Variants in RS1 observed in about 807,000 individuals in gnomAD.
The protein encoded by RS1 is retinoschisin 1, also known as retinoschisin.
Under a neutral mutation model 20.8 loss-of-function variants are expected in RS1, and 2 were observed. The ratio of observed to expected loss-of-function variants is 0.10; its 90% confidence interval spans 0.04 to 0.30. The LOEUF (loss-of-function observed/expected upper bound fraction) is 0.30. Among genes scored for constraint, RS1 ranks in the 10% least tolerant of loss-of-function variants. The pLI, the probability that RS1 is intolerant of heterozygous loss-of-function variation, is 1.00. For synonymous variants in RS1, 70 were observed against 75.8 expected (o/e 0.92, Z 0.40); for missense variants, 151 against 189.8 (o/e 0.80, Z 1.20).
rs267608667 is a variant in RS1, at chrX:18,653,463, G to T, written c.184+3190C>A. ...CTTTCTTCGTGAGACACGTTATGAGGGAAGCCCTGATTCACAGGGCCCAGG... is the reference window on the plus strand; with the variant it reads ...CTTTCTTCGTGAGACACGTTATGAGTGAAGCCCTGATTCACAGGGCCCAGG... On this transcript the variant is annotated intron_variant, in intron 3 of 5. Coordinates refer to ENST00000379984, the MANE Select transcript of RS1 (RefSeq NM_000330.4). 5.8e-6 allele frequency: 7 copies of T among 1,211,409 alleles called. No individual in the cohort carries two copies. The South Asian group carries it at 1.2e-4, about 21-fold the overall frequency.
chrX:18,660,853 A>T (rs1302350436), intron 1 of RS1, among the ~76,000 whole-genome samples: 1 of 112,006 alleles, frequency 8.9e-6, no homozygotes, highest in African/African-American at 3.2e-5. Flanking sequence ...AAGACAGGCC[A>T]CTGGACCATG....
At position 18,667,856 on chromosome X, in the gene RS1, C is replaced by A. The variant is rs761705821; in HGVS notation, c.52+4161G>T. Among the ~76,000 whole-genome samples, 6 of 111,755 alleles carry A rather than the reference C, an allele frequency of 5.4e-5. No individual in the cohort carries two copies. In the East Asian group the frequency reaches 1.7e-3, roughly 31 times the overall value. ...GTAGACAGCCTGGGGTTCTGAGGTA[C>A]CATATCCTTATGGAAGTGAGCAGAG... On this transcript the variant is annotated intron_variant, in intron 1 of 5. Coordinates refer to ENST00000379984, the MANE Select transcript of RS1 (RefSeq NM_000330.4).
At chrX:18,657,285 A>T (rs1338029800) in intron 2 of RS1, among the ~76,000 whole-genome samples, 1 of 84,692 alleles carries the variant, frequency 1.2e-5, no homozygotes. Context: ...CAGTGGTGTG[A>T]TCTCAGCTCA....
rs1927553404 is a variant in RS1, at chrX:18,640,967, A to G, written c.*1037T>C. ...CAGAGAGCTTTTCAGGAGCAGGCGC[A>G]GTTTGCGTATTGCAAGGCAGAGGGT... On this transcript the variant is annotated 3_prime_UTR_variant, in exon 6 of 6. Coordinates refer to ENST00000379984, the MANE Select transcript of RS1 (RefSeq NM_000330.4). The G allele has an allele frequency of 8.9e-6, 1 of 112,858 alleles. No homozygotes were observed. The highest frequency in any genetic ancestry group is 1.9e-5 in the Non-Finnish European group (1 of 53,264). 9.3% of individuals were successfully genotyped at this position (112,858 alleles called of 1,213,427 possible).
intron 4 of RS1, chrX:18,646,148 G>C (rs936457878): frequency 4.0e-5 from 48 of 1,204,478 alleles, no homozygotes; most frequent in Non-Finnish European, 4.9e-5. Context: ...ACTACTGAAT[G>C]AAACTTTTTT....
chrX:18,650,314 C>T lies in RS1; in HGVS notation c.185-2982G>A. 4 of 799,415 alleles carry T rather than the reference C, an allele frequency of 5.0e-6. 1 individual carries two copies. In the South Asian group the frequency reaches 8.2e-5, roughly 16 times the overall value. 65.9% of individuals were successfully genotyped at this position (799,415 alleles called of 1,213,427 possible). A position where few individuals can be genotyped will look rare whatever the true frequency, so the allele number is the denominator to read the frequency against. On this transcript the variant is annotated intron_variant, in intron 3 of 5. Coordinates refer to ENST00000379984, the MANE Select transcript of RS1 (RefSeq NM_000330.4). ...TACTTACTCCCCAGGGAAGGTGACGCTCTCACTGTCACCTTGGCTTCAGCT... is the reference window on the plus strand; with the variant it reads ...TACTTACTCCCCAGGGAAGGTGACGTTCTCACTGTCACCTTGGCTTCAGCT...
intron 1 of RS1, among the ~76,000 whole-genome samples, chrX:18,661,406 G>A (rs759226412): frequency 1.9e-4 from 21 of 111,676 alleles, no homozygotes; most frequent in Admixed American, 1.8e-3. Context: ...AATGTTTACA[G>A]CTGAGGCCCC....
At chrX:18,647,593 A>G in intron 3 of RS1, 1 of 378,876 alleles carries the variant, frequency 2.6e-6, no homozygotes, top group South Asian at 4.1e-5. Flanking sequence ...CTCTATGGCA[A>G]CTTCACAAGG....
chrX:18,664,613 A>G (rs1239778071), intron 1 of RS1, among the ~76,000 whole-genome samples: 1 of 111,724 alleles, frequency 9.0e-6, no homozygotes, highest in Non-Finnish European at 1.9e-5. Flanking sequence ...TGGGCAACAG[A>G]GTAAGACTCC....
chrX:18,669,660 C>G (rs1176700127), intron 1 of RS1, among the ~76,000 whole-genome samples: 1 of 111,103 alleles, frequency 9.0e-6, no homozygotes, highest in Non-Finnish European at 1.9e-5. Context: ...GGACAAACAG[C>G]CTTTGTCTTC....
At chrX:18,648,167 T>C (rs938733802) in intron 3 of RS1, among the ~76,000 whole-genome samples, 1 of 111,144 alleles carries the variant, frequency 9.0e-6, no homozygotes, top group Non-Finnish European at 1.9e-5. Context: ...GTGCCTGCAG[T>C]GGCAGGCACA....
chrX:18,646,125 A>G (rs769802122), intron 4 of RS1: 18 of 1,211,215 alleles, frequency 1.5e-5, no homozygotes, highest in South Asian at 1.8e-5. Context: ...TCAAGCTGCC[A>G]TAACGACCCT....
In RS1 at chrX:18,640,427, T is replaced by TCCCCCCCCCCCCCCCCCCCCC. The variant is rs1300468144; in HGVS notation, c.*1576_*1577insGGGGGGGGGGGGGGGGGGGGG. On this transcript the variant is annotated 3_prime_UTR_variant, in exon 6 of 6. Coordinates refer to ENST00000379984, the MANE Select transcript of RS1 (RefSeq NM_000330.4). ...CCTGTGTCCTAAGGCCAGGGATAAG[T>TCCCCCCCCCCCCCCCCCCCCC]CCCCCCACCCCCCCCCCCCACCCCC... 3.2e-5 allele frequency: 1 copy of TCCCCCCCCCCCCCCCCCCCCC among 31,594 alleles called. No individual in the cohort carries two copies. The highest frequency in any genetic ancestry group is 5.4e-5 in the Non-Finnish European group (1 of 18,445). The allele number at this position is 31,594 out of a possible 1,213,427, so 2.6% of individuals were successfully genotyped here.
intron 3 of RS1, among the ~76,000 whole-genome samples, chrX:18,652,596 G>A (rs1287703809): frequency 9.0e-6 from 1 of 111,284 alleles, no homozygotes; most frequent in Non-Finnish European, 1.9e-5. Flanking sequence ...TTGAACCCAG[G>A]AGGCAGAGCT....
chrX:18,652,668 C>CAA (rs112755044), intron 3 of RS1, among the ~76,000 whole-genome samples: 13 of 104,149 alleles, frequency 1.2e-4, no homozygotes, highest in Middle Eastern at 4.8e-3. Flanking sequence ...GACTACATTT[C>CAA]AAAAAAAAAA....
At chrX:18,648,087 A>T (rs1927863414) in intron 3 of RS1, among the ~76,000 whole-genome samples, 1 of 110,936 alleles carries the variant, frequency 9.0e-6, no homozygotes, top group Non-Finnish European at 1.9e-5. Flanking sequence ...CTGTAATCCC[A>T]GCTACTCGGG....
At chrX:18,667,546 C>CAAAA (rs748540329) in intron 1 of RS1, among the ~76,000 whole-genome samples, 1 of 48,783 alleles carries the variant, frequency 2.0e-5, no homozygotes, top group Non-Finnish European at 3.9e-5. Flanking sequence ...GACTCTGTCT[C>CAAAA]AAAAAAAAAA....
In RS1 at chrX:18,640,639, G is replaced by A. The variant is rs988539778; in HGVS notation, c.*1365C>T. The stretch of plus-strand genomic sequence containing the variant: ...CTGCCTGTTCACAGAAAAGGTGAAT[G>A]TGTTGTCCAGCACTGTATTAGCGCG... On this transcript the variant is annotated 3_prime_UTR_variant, in exon 6 of 6. Coordinates refer to ENST00000379984, the MANE Select transcript of RS1 (RefSeq NM_000330.4). The A allele has an allele frequency of 1.8e-5, 2 of 112,254 alleles. No homozygotes were observed. The highest frequency in any genetic ancestry group is 3.2e-5 in the African/African-American group (1 of 30,795). 9.3% of individuals were successfully genotyped at this position (112,254 alleles called of 1,213,427 possible). A position where few individuals can be genotyped will look rare whatever the true frequency, so the allele number is the denominator to read the frequency against.
chrX:18,641,034 T>G lies in RS1; in HGVS notation c.*970A>C, dbSNP rs1193473022. On this transcript the variant is annotated 3_prime_UTR_variant, in exon 6 of 6. Transcript: ENST00000379984. ...TCAGGGAAAAAGCTACATGGTCCTTTTTATGATGTGAGTCCTTCCCACTTC... is the reference window on the plus strand; with the variant it reads ...TCAGGGAAAAAGCTACATGGTCCTTGTTATGATGTGAGTCCTTCCCACTTC... The G allele has an allele frequency of 8.9e-6, 1 of 112,544 alleles. No homozygotes were observed. Among genetic ancestry groups the G allele is most frequent in the Non-Finnish European group, 1.9e-5 (1 of 53,220 alleles). 9.3% of individuals were successfully genotyped at this position (112,544 alleles called of 1,213,427 possible).
Sources: allele counts gnomAD v4.1 joint callset (sites outside exome capture counted in the v4.1 genomes callset), GRCh38; gene constraint gnomAD v4.1.1; transcripts MANE v1.5; gene names NCBI Gene and HGNC (gene_info 2026-07-23, HGNC 2026-07-21).